The following NAALADL2 variants were observed in gnomAD, a reference collection of about 807,000 sequenced individuals.
The protein encoded by NAALADL2 is N-acetylated alpha-linked acidic dipeptidase like 2, also known as inactive N-acetylated-alpha-linked acidic dipeptidase-like protein 2.
Under a neutral mutation model 87.2 loss-of-function variants are expected in NAALADL2, and 76 were observed. That is an observed-to-expected ratio of 0.87 (90% CI 0.72 to 1.05). The LOEUF (loss-of-function observed/expected upper bound fraction) is 1.05, where lower values mean the gene tolerates loss of function less well. Among genes scored for constraint, NAALADL2 ranks in the 50% least tolerant of loss-of-function variants. NAALADL2 has a pLI of 0.00. For synonymous variants in NAALADL2, 354 were observed against 331.0 expected, an observed-to-expected ratio of 1.07 and a Z score of -0.75; for missense variants, 1,089 against 945.8, an observed-to-expected ratio of 1.15 and a Z score of -1.99.
intron 10 of NAALADL2, among the ~76,000 whole-genome samples, chr3:175,613,065 T>C (rs943536136): frequency 6.6e-6 from 1 of 152,000 alleles, no homozygotes; most frequent in African/African-American, 2.4e-5. Context: ...CCCTCATCCA[T>C]AATGACTCCT....
intron 5 of NAALADL2, among the ~76,000 whole-genome samples, chr3:175,332,498 A>T (rs1311794372): frequency 6.6e-6 from 1 of 152,184 alleles, no homozygotes; most frequent in Non-Finnish European, 1.5e-5. Context: ...ACAAGGTCTC[A>T]CTATGTTGCC....
intron 2 of NAALADL2, among the ~76,000 whole-genome samples, chr3:174,676,392 C>G (rs911228800): frequency 1.4e-5 from 2 of 145,400 alleles, no homozygotes; most frequent in African/African-American, 4.9e-5. Context: ...TTTATCATAG[C>G]CAGTATTCTA....
At chr3:174,653,689 GTAGC>G (rs1469478838) in intron 2 of NAALADL2, among the ~76,000 whole-genome samples, 2 of 152,064 alleles carry the variant, frequency 1.3e-5, no homozygotes, top group East Asian at 1.9e-4. Flanking sequence ...CAATGGCAGA[GTAGC>G]TAGAGTTTAG....
chr3:175,772,270 T>A (rs1749593313), intron 13 of NAALADL2, among the ~76,000 whole-genome samples: 1 of 151,520 alleles, frequency 6.6e-6, no homozygotes, highest in Non-Finnish European at 1.5e-5. Context: ...TTTATTTATT[T>A]TTTTTTTTGT....
At chr3:174,855,186 C>G (rs1478963319), upstream of NAALADL2, among the ~76,000 whole-genome samples, 1 of 152,086 alleles carries the variant, frequency 6.6e-6, no homozygotes, top group East Asian at 1.9e-4. Flanking sequence ...ATTTTTATAT[C>G]AGCATCAACA....
intron 2 of NAALADL2, among the ~76,000 whole-genome samples, chr3:174,669,726 CTT>C (rs1282157722): frequency 3.3e-5 from 5 of 152,002 alleles, no homozygotes; most frequent in Admixed American, 6.6e-5. Flanking sequence ...TTTGGGGTCT[CTT>C]GAGATTACAT....
At chr3:174,908,021 G>GTTTTTTTTTTTTTTTTT (rs35051279) in intron 1 of NAALADL2, among the ~76,000 whole-genome samples, 1 of 82,558 alleles carries the variant, frequency 1.2e-5, no homozygotes, top group Non-Finnish European at 2.3e-5. Context: ...AGAGAAGTTG[G>GTTTTTTTTTTTTTTTTT]TTTTTTTTTT....
At chr3:175,629,961 T>G (rs557575851) in intron 11 of NAALADL2, among the ~76,000 whole-genome samples, 3 of 151,920 alleles carry the variant, frequency 2.0e-5, no homozygotes, top group Admixed American at 6.6e-5. Flanking sequence ...ATTAAGTGGA[T>G]GTTGGAAAGA....
intron 2 of NAALADL2, among the ~76,000 whole-genome samples, chr3:175,106,850 A>G (rs1282429921): frequency 6.6e-6 from 1 of 152,062 alleles, no homozygotes; most frequent in Admixed American, 6.6e-5. Flanking sequence ...CCATAATCTC[A>G]TAGGAGTGAT....
At chr3:174,800,355 AGCTCAT>A (rs1304927622) in intron 3 of NAALADL2, among the ~76,000 whole-genome samples, 1 of 152,138 alleles carries the variant, frequency 6.6e-6, no homozygotes. Flanking sequence ...CATCATATAA[AGCTCAT>A]GCTGTTGCTT....
At chr3:175,700,948 G>A (rs1738907249) in intron 11 of NAALADL2, among the ~76,000 whole-genome samples, 1 of 152,088 alleles carries the variant, frequency 6.6e-6, no homozygotes, top group African/African-American at 2.4e-5. Flanking sequence ...GCTCTAGGCT[G>A]GGGAATATTG....
intron 9 of NAALADL2, among the ~76,000 whole-genome samples, chr3:175,491,666 C>G (rs183439846): frequency 5.2e-4 from 79 of 152,258 alleles, no homozygotes; most frequent in Middle Eastern, 3.4e-3. Context: ...ATGTACTACA[C>G]TATAAAATAT....
chr3:175,712,487 A>G (rs376067152), intron 11 of NAALADL2, among the ~76,000 whole-genome samples: 1 of 152,198 alleles, frequency 6.6e-6, no homozygotes, highest in African/African-American at 2.4e-5. Flanking sequence ...TTTTGTACAT[A>G]CAACTGATAC....
chr3:174,496,896 T>A (rs1487063352), intron 1 of NAALADL2, among the ~76,000 whole-genome samples: 2 of 121,818 alleles, frequency 1.6e-5, no homozygotes, highest in African/African-American at 2.8e-5. Flanking sequence ...TGTTCATTAA[T>A]GCATAATTCA....
intron 3 of NAALADL2, among the ~76,000 whole-genome samples, chr3:175,252,936 A>G (rs1749312199): frequency 6.6e-6 from 1 of 152,194 alleles, no homozygotes; most frequent in African/African-American, 2.4e-5. Flanking sequence ...AGAAGTTTGA[A>G]GTTAACAGGG....
At chr3:175,488,834 C>A (rs1373193584) in intron 9 of NAALADL2, among the ~76,000 whole-genome samples, 1 of 152,152 alleles carries the variant, frequency 6.6e-6, no homozygotes, top group Non-Finnish European at 1.5e-5. Context: ...CTAGAAGAGG[C>A]TGGAAGATTT....
intron 3 of NAALADL2, among the ~76,000 whole-genome samples, chr3:174,827,910 G>A (rs1380856689): frequency 6.6e-6 from 1 of 152,130 alleles, no homozygotes; most frequent in Non-Finnish European, 1.5e-5. Flanking sequence ...CTGACTGGGT[G>A]CTATGCTCAT....
intron 13 of NAALADL2, among the ~76,000 whole-genome samples, chr3:175,788,531 G>T (rs568279189): frequency 3.9e-5 from 6 of 152,212 alleles, no homozygotes; most frequent in African/African-American, 1.4e-4. Flanking sequence ...GTTTGTAGCC[G>T]AGGAGCAATA....
intron 9 of NAALADL2, among the ~76,000 whole-genome samples, chr3:175,555,195 T>C (rs537911259): frequency 9.8e-5 from 15 of 152,324 alleles, no homozygotes; most frequent in Non-Finnish European, 1.6e-4. Context: ...ACAGTACTGT[T>C]TGGCTCCATG....
Sources: gnomAD v4.1 joint callset for allele counts (sites outside exome capture counted in the v4.1 genomes callset) on GRCh38, gnomAD v4.1.1 for gene constraint, MANE v1.5 for transcripts, NCBI Gene and HGNC (gene_info 2026-07-23, HGNC 2026-07-21) for gene names.